Variants in DOCK1 observed in about 807,000 individuals in gnomAD.
The protein encoded by DOCK1 is dedicator of cytokinesis 1.
In DOCK1, 138 loss-of-function variants were observed where a neutral mutation model predicts 262.7. That is an observed-to-expected ratio of 0.53 (90% CI 0.46 to 0.61). DOCK1 has a LOEUF of 0.61. Among genes scored for constraint, DOCK1 ranks in the 20% least tolerant of loss-of-function variants. The probability of loss-of-function intolerance (pLI) is 0.00; values close to 1 mark genes in which losing one functional copy is unlikely to be tolerated. For synonymous variants in DOCK1, 866 were observed against 867.4 expected (o/e 1.00, Z 0.03); for missense variants, 1,908 against 2,370.7 (o/e 0.80, Z 4.05).
chr10:127,095,434 C>G (rs2047849146), intron 23 of DOCK1, among the ~76,000 whole-genome samples: 1 of 152,204 alleles, frequency 6.6e-6, no homozygotes, highest in African/African-American at 2.4e-5. Flanking sequence ...GCTTCGGTTG[C>G]TCATTTGAAC....
In DOCK1 at chr10:127,250,008, T is replaced by C. The variant is rs369454627; in HGVS notation, c.2949+1899T>C. Among the ~76,000 whole-genome samples, 13 of 152,300 alleles carry C rather than the reference T, an allele frequency of 8.5e-5. No individual in the cohort carries two copies. The East Asian group carries it at 1.4e-3, about 16-fold the overall frequency. ...AAATCATGGCATAGCGAAATCAAATTTTACATTTGTAACATTTTATTCCAT... is the reference window on the plus strand; with the variant it reads ...AAATCATGGCATAGCGAAATCAAATCTTACATTTGTAACATTTTATTCCAT... On this transcript the variant is annotated intron_variant, in intron 28 of 51. Transcript: ENST00000623213.
At chr10:126,928,109 G>C (rs965598445) in intron 1 of DOCK1, among the ~76,000 whole-genome samples, 1 of 152,232 alleles carries the variant, frequency 6.6e-6, no homozygotes, top group East Asian at 1.9e-4. Flanking sequence ...CGTGTCGCTC[G>C]TTGGAGAAGC....
At chr10:127,292,409 C>T (rs994976511) in intron 29 of DOCK1, among the ~76,000 whole-genome samples, 4 of 152,138 alleles carry the variant, frequency 2.6e-5, no homozygotes, top group Admixed American at 6.5e-5. Flanking sequence ...TTTTCTCTTG[C>T]TTCATGAGAA....
intron 1 of DOCK1, among the ~76,000 whole-genome samples, chr10:126,914,769 C>T (rs1486568803): frequency 3.9e-5 from 6 of 152,082 alleles, no homozygotes; most frequent in Non-Finnish European, 8.8e-5. Context: ...ACAAACAGCC[C>T]CAACATTTTG....
At chr10:126,958,478 T>C (rs1386712786) in intron 1 of DOCK1, among the ~76,000 whole-genome samples, 2 of 152,134 alleles carry the variant, frequency 1.3e-5, no homozygotes, top group African/African-American at 2.4e-5. Context: ...TTTTGGCATT[T>C]TGGCACAATG....
At chr10:126,961,169 C>T (rs1020291934) in intron 1 of DOCK1, among the ~76,000 whole-genome samples, 10 of 152,144 alleles carry the variant, frequency 6.6e-5, no homozygotes, top group Non-Finnish European at 1.5e-4. Context: ...TTCTGTTACC[C>T]AAACATTGCA....
At chr10:127,091,441 C>T (rs927414000) in intron 23 of DOCK1, among the ~76,000 whole-genome samples, 5 of 152,182 alleles carry the variant, frequency 3.3e-5, no homozygotes, top group South Asian at 2.1e-4. Flanking sequence ...TGGTCTGGAT[C>T]GCTTTCCCTC....
At chr10:127,211,467 CCT>C (rs1157057277) in intron 27 of DOCK1, among the ~76,000 whole-genome samples, 1 of 152,108 alleles carries the variant, frequency 6.6e-6, no homozygotes, top group African/African-American at 2.4e-5. Flanking sequence ...ATCGCCATCC[CCT>C]GTTAGTGAAT....
At chr10:127,010,741 T>C (rs945706212) in intron 11 of DOCK1, among the ~76,000 whole-genome samples, 9 of 152,232 alleles carry the variant, frequency 5.9e-5, no homozygotes, top group African/African-American at 1.9e-4. Flanking sequence ...TGGGCAGATA[T>C]TGAGGTCATA....
chr10:127,150,142 C>T (rs936222489), intron 27 of DOCK1, among the ~76,000 whole-genome samples: 1 of 152,180 alleles, frequency 6.6e-6, no homozygotes, highest in Non-Finnish European at 1.5e-5. Context: ...TCTATACTTC[C>T]GAGATGCTGT....
chr10:127,052,984 A>G (rs1453472553), intron 22 of DOCK1, among the ~76,000 whole-genome samples, 169 bp downstream of exon 22: 3 of 150,580 alleles, frequency 2.0e-5, no homozygotes, highest in Non-Finnish European at 4.4e-5. Flanking sequence ...TGAGCTGCCC[A>G]CTCTTTCCTT....
intron 18 of DOCK1, among the ~76,000 whole-genome samples, chr10:127,035,120 A>G (rs150191384): frequency 6.6e-5 from 10 of 152,310 alleles, no homozygotes; most frequent in Non-Finnish European, 1.5e-4. Context: ...GGATTGTGGC[A>G]TGTCAGGTGT....
At chr10:127,105,697 T>C (rs780477335) in intron 23 of DOCK1, among the ~76,000 whole-genome samples, 15 of 152,166 alleles carry the variant, frequency 9.9e-5, no homozygotes, top group Non-Finnish European at 1.9e-4. Context: ...TAATAATAAT[T>C]TTATTATGTG....
chr10:127,214,508 G>A (rs142175302), intron 27 of DOCK1, among the ~76,000 whole-genome samples: 5 of 152,332 alleles, frequency 3.3e-5, no homozygotes, highest in Admixed American at 3.3e-4. Context: ...GTTGATGGGT[G>A]CAGCTGTGGT....
chr10:127,326,985 A>G (rs2062772665), intron 29 of DOCK1, among the ~76,000 whole-genome samples: 1 of 152,246 alleles, frequency 6.6e-6, no homozygotes, highest in Non-Finnish European at 1.5e-5. Context: ...ATCAGGTCTT[A>G]ACAGTGGGCT....
intron 30 of DOCK1, 34 bp downstream of exon 30, chr10:127,339,118 A>C: frequency 6.6e-7 from 1 of 1,523,324 alleles, no homozygotes; most frequent in East Asian, 2.4e-5. Flanking sequence ...CTTTGTGGAG[A>C]AATCATGTTA....
At chr10:126,984,854 T>C (rs1440327878) in intron 4 of DOCK1, among the ~76,000 whole-genome samples, 1 of 152,080 alleles carries the variant, frequency 6.6e-6, no homozygotes, top group Non-Finnish European at 1.5e-5. Context: ...GAGTATACAA[T>C]ACATAGCTAT....
intron 1 of DOCK1, among the ~76,000 whole-genome samples, chr10:126,948,048 ATGG>A (rs2035700508): frequency 3.5e-3 from 71 of 20,442 alleles, no homozygotes; most frequent in Admixed American, 9.8e-3. Context: ...GTTGGTGGTG[ATGG>A]TGGTGGTTGG....
chr10:127,246,898 A>G (rs1055260378), intron 27 of DOCK1, among the ~76,000 whole-genome samples: 3 of 152,356 alleles, frequency 2.0e-5, no homozygotes, highest in South Asian at 2.1e-4. Context: ...GACATGTCTC[A>G]AAGTGTGTTT....
Sources: gnomAD v4.1 joint callset for allele counts (sites outside exome capture counted in the v4.1 genomes callset) on GRCh38, gnomAD v4.1.1 for gene constraint, MANE v1.5 for transcripts, NCBI Gene and HGNC (gene_info 2026-07-23, HGNC 2026-07-21) for gene names.